MRTFB: variants seen among roughly 807,000 people sequenced by gnomAD.
MRTFB encodes the protein myocardin-related transcription factor B.
A neutral mutation model predicts 104.2 loss-of-function variants in MRTFB; 29 were observed. That is an observed-to-expected ratio of 0.28 (90% confidence interval 0.21 to 0.38). MRTFB has a LOEUF of 0.38. Among genes scored for constraint, MRTFB ranks in the 10% least tolerant of loss-of-function variants. MRTFB has a pLI of 1.00. For missense variants in MRTFB, 1,270 were observed against 1,341.6 expected, an observed-to-expected ratio of 0.95 and a Z score of 0.83; for synonymous variants, 535 against 519.5, an observed-to-expected ratio of 1.03 and a Z score of -0.41.
the MRTFB span, among the ~76,000 whole-genome samples, chr16:13,998,438 C>T: frequency 6.6e-6 from 1 of 152,018 alleles, no homozygotes; most frequent in Non-Finnish European, 1.5e-5. Flanking sequence ...CTCTTGAGGT[C>T]AAGAGTTCAA....
chr16:14,129,458 G>A (rs2037328917), intron 2 of MRTFB, among the ~76,000 whole-genome samples: 1 of 152,128 alleles, frequency 6.6e-6, no homozygotes, highest in Admixed American at 6.5e-5. Flanking sequence ...TTCACTAGTT[G>A]ATGAACATTT....
chr16:14,236,152 G>T (rs1341363337), intron 9 of MRTFB, among the ~76,000 whole-genome samples: 1 of 117,392 alleles, frequency 8.5e-6, no homozygotes, highest in African/African-American at 6.4e-5. Flanking sequence ...CTGCACTCCA[G>T]CCTACTCCAG....
intron 6 of MRTFB, among the ~76,000 whole-genome samples, chr16:14,216,902 CTG>C (rs1387790909): frequency 1.3e-5 from 2 of 152,188 alleles, no homozygotes; most frequent in Non-Finnish European, 2.9e-5. Context: ...TAATTTGAGT[CTG>C]TGGGCATCCA....
chr16:14,035,751 G>A, the MRTFB span, among the ~76,000 whole-genome samples: 1 of 151,884 alleles, frequency 6.6e-6, no homozygotes, highest in African/African-American at 2.4e-5. Context: ...CATTTTGGGG[G>A]AACAGGCAGT....
chr16:13,997,211 A>G, the MRTFB span, among the ~76,000 whole-genome samples: 3 of 152,168 alleles, frequency 2.0e-5, no homozygotes, highest in Non-Finnish European at 4.4e-5. Context: ...GGGCATCTCA[A>G]ATGTTCACAT....
intron 3 of MRTFB, among the ~76,000 whole-genome samples, chr16:14,159,773 C>CA (rs1471302536): frequency 1.3e-5 from 2 of 150,600 alleles, no homozygotes; most frequent in African/African-American, 4.9e-5. Flanking sequence ...ACTAAAAATA[C>CA]AAAAAAATTA....
At chr16:14,205,239 T>C (rs2040889054) in intron 3 of MRTFB, among the ~76,000 whole-genome samples, 1 of 152,200 alleles carries the variant, frequency 6.6e-6, no homozygotes, top group Non-Finnish European at 1.5e-5. Context: ...AATGAACATA[T>C]TTGGCTCCTA....
At chr16:14,246,213 A>ACATCATAG (rs2043008827) in intron 11 of MRTFB, among the ~76,000 whole-genome samples, 1 of 152,160 alleles carries the variant, frequency 6.6e-6, no homozygotes, top group African/African-American at 2.4e-5. Flanking sequence ...CATCATCATA[A>ACATCATAG]TTCCTGGTAG....
the MRTFB span, among the ~76,000 whole-genome samples, chr16:14,060,884 C>T: frequency 3.9e-5 from 6 of 152,054 alleles, no homozygotes; most frequent in Non-Finnish European, 5.9e-5. Context: ...CGGTGGCTCA[C>T]GCCTGTAATC....
At chr16:14,068,894 CTCTT>C (rs1173946400), upstream of MRTFB, among the ~76,000 whole-genome samples, 1 of 150,302 alleles carries the variant, frequency 6.7e-6, no homozygotes, top group Non-Finnish European at 1.5e-5. Context: ...GACAAATTCT[CTCTT>C]TCTCTTCCGG....
At chr16:14,250,425 A>T (rs779058305) in intron 13 of MRTFB, among the ~76,000 whole-genome samples, 27 of 152,222 alleles carry the variant, frequency 1.8e-4, no homozygotes, top group Non-Finnish European at 3.8e-4. Context: ...GTGGCTCTTG[A>T]TGGAGGTGCT....
At chr16:14,230,421 C>G (rs575468006) in intron 8 of MRTFB, among the ~76,000 whole-genome samples, 188 of 152,106 alleles carry the variant, frequency 1.2e-3, no homozygotes, top group Middle Eastern at 3.4e-3. Context: ...GCAATGAACT[C>G]AAACAAATTT....
intron 1 of MRTFB, among the ~76,000 whole-genome samples, chr16:14,077,540 C>A (rs77683188): frequency 0.042 from 5,969 of 142,472 alleles, 425 homozygotes; most frequent in African/African-American, 0.14. Context: ...GCAATTCTTG[C>A]TAGTTTATTT....
At chr16:14,024,625 A>G in the MRTFB span, among the ~76,000 whole-genome samples, 1 of 152,262 alleles carries the variant, frequency 6.6e-6, no homozygotes, top group African/African-American at 2.4e-5. Context: ...CCATTGCTGC[A>G]TTCTTCATAA....
chr16:14,017,158 A>T, the MRTFB span, among the ~76,000 whole-genome samples: 1 of 148,542 alleles, frequency 6.7e-6, no homozygotes, highest in Admixed American at 6.9e-5. Context: ...CCGGGTTCAC[A>T]CCATTCTCCT....
chr16:14,083,501 A>G (rs2034525678), intron 2 of MRTFB, among the ~76,000 whole-genome samples: 2 of 152,136 alleles, frequency 1.3e-5, no homozygotes, highest in Non-Finnish European at 2.9e-5. Context: ...GCCTAGAGTC[A>G]GGGGCCATGG....
At chr16:14,119,463 A>C (rs1234020407) in intron 2 of MRTFB, among the ~76,000 whole-genome samples, 1 of 152,166 alleles carries the variant, frequency 6.6e-6, no homozygotes, top group African/African-American at 2.4e-5. Context: ...ATTTAATTGA[A>C]TGGTTTTTCC....
At chr16:14,093,243 AT>A (rs59073217) in intron 2 of MRTFB, among the ~76,000 whole-genome samples, 25,062 of 145,652 alleles carry the variant, frequency 0.17, 4,637 homozygotes, top group African/African-American at 0.47. Context: ...TGAGAGATGG[AT>A]TTTTTTTTTT....
intron 3 of MRTFB, among the ~76,000 whole-genome samples, chr16:14,181,222 G>A (rs768508593): frequency 7.9e-5 from 12 of 151,966 alleles, no homozygotes; most frequent in Non-Finnish European, 1.6e-4. Flanking sequence ...TTAATTAACC[G>A]TTGGGATTTA....
Sources: allele counts gnomAD v4.1 joint callset (sites outside exome capture counted in the v4.1 genomes callset), GRCh38; gene constraint gnomAD v4.1.1; transcripts MANE v1.5; gene names NCBI Gene and HGNC (gene_info 2026-07-23, HGNC 2026-07-21).